The following ELMO1 variants were observed in gnomAD, a reference collection of about 807,000 sequenced individuals.
The protein encoded by ELMO1 is engulfment and cell motility 1.
ELMO1 carries 26 observed loss-of-function variants against 98.9 expected under a neutral mutation model. The ratio of observed to expected loss-of-function variants is 0.26; its 90% confidence interval spans 0.19 to 0.36. The LOEUF is 0.36. ELMO1 is among the 10% of genes least tolerant of loss of function. The pLI is 1.00. For missense variants in ELMO1, 627 were observed against 935.2 expected (o/e 0.67, Z 4.30); for synonymous variants, 346 against 346.0 (o/e 1.00, Z 0.00).
chr7:37,010,748 G>A (rs1357607901), intron 16 of ELMO1, among the ~76,000 whole-genome samples: 1 of 152,190 alleles, frequency 6.6e-6, no homozygotes, highest in Non-Finnish European at 1.5e-5. Context: ...CATTGTCTAA[G>A]CTACTAAATT....
At chr7:37,143,049 G>C (rs547055422) in intron 13 of ELMO1, among the ~76,000 whole-genome samples, 1 of 152,066 alleles carries the variant, frequency 6.6e-6, no homozygotes, top group East Asian at 1.9e-4. Flanking sequence ...TGAGTTTTAG[G>C]GTTCCTTTAA....
chr7:37,174,312 G>T (rs926973962), intron 13 of ELMO1, among the ~76,000 whole-genome samples: 1 of 152,150 alleles, frequency 6.6e-6, no homozygotes, highest in African/African-American at 2.4e-5. Flanking sequence ...ATTCACGGAG[G>T]CAAACCTACT....
chr7:37,380,133 C>G (rs975393899), intron 1 of ELMO1, among the ~76,000 whole-genome samples: 1 of 152,192 alleles, frequency 6.6e-6, no homozygotes, highest in African/African-American at 2.4e-5. Context: ...TGTCCTTCCC[C>G]TCTTCCAAGA....
intron 16 of ELMO1, among the ~76,000 whole-genome samples, chr7:36,996,332 T>C (rs980568635): frequency 3.3e-5 from 5 of 152,208 alleles, no homozygotes; most frequent in African/African-American, 1.2e-4. Flanking sequence ...TAAGACCTTA[T>C]CAGCTGATTT....
chr7:37,173,719 C>CT (rs1377015327), intron 13 of ELMO1, among the ~76,000 whole-genome samples: 1 of 152,192 alleles, frequency 6.6e-6, no homozygotes, highest in African/African-American at 2.4e-5. Context: ...AAGCTCAAAA[C>CT]TTATATAGAG....
At chr7:37,127,579 C>A (rs1314939457) in intron 14 of ELMO1, among the ~76,000 whole-genome samples, 5 of 152,180 alleles carry the variant, frequency 3.3e-5, no homozygotes, top group African/African-American at 4.8e-5. Context: ...GAAGACTGAG[C>A]TCAACTATGC....
At chr7:37,367,012 G>A (rs113659298) in intron 1 of ELMO1, among the ~76,000 whole-genome samples, 370 of 152,282 alleles carry the variant, frequency 2.4e-3, no homozygotes, top group Admixed American at 5.8e-3. Flanking sequence ...TAATGAGAAT[G>A]TTGCAAGCCC....
intron 1 of ELMO1, among the ~76,000 whole-genome samples, chr7:37,416,432 C>A (rs1034859869): frequency 6.6e-6 from 1 of 152,212 alleles, no homozygotes; most frequent in African/African-American, 2.4e-5. Flanking sequence ...CACACCATGA[C>A]AATGCCACTA....
chr7:37,020,646 C>G (rs1158825980), intron 15 of ELMO1, among the ~76,000 whole-genome samples: 1 of 152,104 alleles, frequency 6.6e-6, no homozygotes, highest in Admixed American at 6.5e-5. Context: ...TCCATCCTTT[C>G]TATGACCTTG....
chr7:37,357,281 T>C (rs1801532314), intron 1 of ELMO1, among the ~76,000 whole-genome samples: 1 of 152,234 alleles, frequency 6.6e-6, no homozygotes, highest in Non-Finnish European at 1.5e-5. Flanking sequence ...TGCTTTTCGC[T>C]TGCTAACCTG....
chr7:37,437,347 A>T (rs1805192728), intron 1 of ELMO1, among the ~76,000 whole-genome samples: 1 of 152,242 alleles, frequency 6.6e-6, no homozygotes, highest in African/African-American at 2.4e-5. Context: ...GGTTAGTTCA[A>T]ATGGAACTGG....
At chr7:37,116,954 G>A (rs1485421695) in intron 14 of ELMO1, 1 of 212,418 alleles carries the variant, frequency 4.7e-6, no homozygotes, top group Admixed American at 4.2e-5. Context: ...ATCTGATGGA[G>A]GATATTTGGA....
At chr7:37,014,182 T>C (rs1778059888) in intron 15 of ELMO1, among the ~76,000 whole-genome samples, 1 of 152,050 alleles carries the variant, frequency 6.6e-6, no homozygotes, top group South Asian at 2.1e-4. Flanking sequence ...CTCCTCCTCC[T>C]CCTCCTCAGC....
intron 1 of ELMO1, among the ~76,000 whole-genome samples, chr7:37,348,079 G>C (rs1482054580): frequency 1.3e-5 from 2 of 152,118 alleles, no homozygotes; most frequent in Non-Finnish European, 2.9e-5. Flanking sequence ...ACAGACTCAG[G>C]GCCGCGGCAG....
chr7:37,247,250 T>G (rs1189140312), intron 6 of ELMO1, among the ~76,000 whole-genome samples: 22 of 152,174 alleles, frequency 1.4e-4, no homozygotes, highest in Non-Finnish European at 1.5e-5. Flanking sequence ...GAAATAGGAA[T>G]GTTACCTACG....
At chr7:37,445,877 CA>C (rs1466413977) in intron 1 of ELMO1, among the ~76,000 whole-genome samples, 2 of 152,172 alleles carry the variant, frequency 1.3e-5, no homozygotes, top group Non-Finnish European at 2.9e-5. Flanking sequence ...TAGGCTAAAG[CA>C]ACACAGACTT....
At chr7:37,361,604 T>C (rs376196606) in intron 1 of ELMO1, among the ~76,000 whole-genome samples, 1 of 152,192 alleles carries the variant, frequency 6.6e-6, no homozygotes, top group African/African-American at 2.4e-5. Context: ...AAGTCAGTTA[T>C]AAAAGACAAC....
intron 8 of ELMO1, among the ~76,000 whole-genome samples, chr7:37,225,525 C>A (rs934833233): frequency 1.3e-5 from 2 of 152,222 alleles, no homozygotes; most frequent in Non-Finnish European, 2.9e-5. Context: ...CTTGTCAACA[C>A]AATTCAACTG....
chr7:36,948,448 A>G (rs1033495850), intron 16 of ELMO1, among the ~76,000 whole-genome samples: 2 of 152,232 alleles, frequency 1.3e-5, no homozygotes, highest in Non-Finnish European at 2.9e-5. Context: ...CAAAGGTTCT[A>G]CAGAGCACAT....
Sources: gnomAD v4.1 joint callset for allele counts (sites outside exome capture counted in the v4.1 genomes callset) on GRCh38, gnomAD v4.1.1 for gene constraint, MANE v1.5 for transcripts, NCBI Gene and HGNC (gene_info 2026-07-23, HGNC 2026-07-21) for gene names.